Variants in SUPT5H observed in about 807,000 individuals in gnomAD.
SUPT5H encodes SPT5 homolog, DSIF elongation factor subunit.
SUPT5H carries 24 observed loss-of-function variants against 142.5 expected under a neutral mutation model. The ratio of observed to expected loss-of-function variants is 0.17; its 90% CI spans 0.12 to 0.24. The LOEUF (loss-of-function observed/expected upper bound fraction) is 0.24. Ranked by LOEUF, SUPT5H falls within the 10% of genes least tolerant of loss-of-function variation. The probability of loss-of-function intolerance (pLI) is 1.00; values close to 1 mark genes in which losing one functional copy is unlikely to be tolerated. For missense variants in SUPT5H, 893 were observed against 1,471.8 expected, an observed-to-expected ratio of 0.61 and a Z score of 6.43; for synonymous variants, 546 against 553.0, an observed-to-expected ratio of 0.99 and a Z score of 0.18.
chr19:39,472,842 G>A lies in SUPT5H; in HGVS notation c.2068G>A (p.Gly690Ser), dbSNP rs777870413. ...QRGGFGSPGG[G>S]SGGMSRGRGR... ...TGGCGGCTTTGGTAGCCCAGGTGGC[G>A]GCAGTGGTGGCATGAGCAGGGGCCG... is the stretch of plus-strand genomic sequence containing the variant. Residue 690 changes from glycine (G) to serine (S), a missense_variant, in exon 22 of 30, where the codon GGC becomes AGC. By Grantham distance (56) the Gly-to-Ser change is moderately conservative. Coordinates refer to ENST00000432763, the MANE Select transcript of SUPT5H (RefSeq NM_001111020.3). The surrounding 1 kb of genome is among the most constrained non-coding windows in gnomAD (Gnocchi z 4.2). 3.1e-6 allele frequency: 5 copies of A among 1,613,626 alleles called. No individual in the cohort carries two copies. The highest frequency in any genetic ancestry group is 1.1e-5 in the South Asian group (1 of 91,060).
rs1476170592 is a variant in SUPT5H at position 39,473,057 on chromosome 19, T to A, written c.2201T>A (p.Val734Glu). The A allele has an allele frequency of 6.2e-7, 1 of 1,613,744 alleles. No individual in the cohort carries two copies. The highest frequency in any genetic ancestry group is 1.7e-5 in the Admixed American group (1 of 59,994). The change falls in exon 23 of 30, where the codon GTG (valine) becomes GAG (glutamate). Residue 734 changes from valine to glutamate, a missense_variant. Coordinates refer to ENST00000432763, the MANE Select transcript of SUPT5H (RefSeq NM_001111020.3). This position sits in a 1 kb window ranked among gnomAD's most constrained non-coding sequence, Gnocchi z 5.8. Reference sequence around the variant, plus strand: ...GATGCCACAGAGTCCACGGCCCGTGTGGAGCTGCACTCCACCTGCCAGACC... The same window carrying A: ...GATGCCACAGAGTCCACGGCCCGTGAGGAGCTGCACTCCACCTGCCAGACC... ...VKDATESTARVELHSTCQTIS... is the reference protein window; with the variant it reads ...VKDATESTAREELHSTCQTIS...
intron 4 of SUPT5H, chr19:39,457,975 A>T (rs1248236544): frequency 3.6e-6 from 3 of 831,510 alleles, no homozygotes; most frequent in Non-Finnish European, 5.9e-6. Flanking sequence ...CTGGGATCCC[A>T]GGGCCCAGTG....
chr19:39,459,673 G>T (rs2079136219), intron 9 of SUPT5H, 84 bp downstream of exon 9: 1 of 1,560,020 alleles, frequency 6.4e-7, no homozygotes. Flanking sequence ...GTCTGTCCCG[G>T]GTCTCCGTGG....
At position 39,453,239 on chromosome 19, in the gene SUPT5H, C is replaced by T. The variant is rs530399687; in HGVS notation, c.76-117C>T. On this transcript the variant is annotated intron_variant, in intron 2 of 29. Transcript: ENST00000432763. The stretch of plus-strand genomic sequence containing the variant: ...TAGAGTGAAAGGGATATATGCAGAG[C>T]AAAGTGGGCTATGATTGGCCAGGCC... 71 of 1,255,842 alleles carry T rather than the reference C, an allele frequency of 5.7e-5. No homozygotes were observed. The African/African-American group carries it at 1.0e-3, about 18-fold the overall frequency. The allele number at this position is 1,255,842 out of a possible 1,614,324, so 77.8% of individuals were successfully genotyped here.
chr19:39,476,425 C>T lies in SUPT5H; in HGVS notation c.*26C>T, dbSNP rs199949033. On this transcript the variant is annotated 3_prime_UTR_variant, in exon 30 of 30. Transcript: ENST00000432763. Reference sequence around the variant, plus strand: ...AGCAGGCAGGGCCGGTGGACTTCGTCGGATGAAGAGTGATCCTCCTTCCTT... The same window carrying T: ...AGCAGGCAGGGCCGGTGGACTTCGTTGGATGAAGAGTGATCCTCCTTCCTT... The T allele has an allele frequency of 3.7e-5, 59 of 1,612,962 alleles. 1 individual carries two copies. The highest frequency in any genetic ancestry group is 1.8e-4 in the East Asian group (8 of 44,882).
intron 11 of SUPT5H, 68 bp downstream of exon 11, chr19:39,465,117 C>A (rs2079217945): frequency 1.1e-5 from 17 of 1,545,412 alleles, no homozygotes; most frequent in Non-Finnish European, 1.5e-5. Flanking sequence ...TTCCTTTTGT[C>A]CTTCCCACCC....
rs1370006158 is a variant in SUPT5H at position 39,476,442 on chromosome 19, T to TC, written c.*45dup. On this transcript the variant is annotated 3_prime_UTR_variant, in exon 30 of 30. Transcript: ENST00000432763. ...GACTTCGTCGGATGAAGAGTGATCC[T>TC]CCTTCCTTCCCTGGCCCTTGGCTGT... is the stretch of plus-strand genomic sequence containing the variant. 2 of 1,610,154 alleles carry TC rather than the reference T, an allele frequency of 1.2e-6. No individual in the cohort carries two copies. Among genetic ancestry groups the TC allele is most frequent in the South Asian group, 2.2e-5 (2 of 91,002 alleles).
At position 39,458,677 on chromosome 19, in the gene SUPT5H, A is replaced by C; in HGVS notation, c.320-141A>C. ...GCTGAGTAGGACAGAGTAGGGGATG[A>C]GGGGTTGGGATTTCCTCTGTGAGAT... On this transcript the variant is annotated intron_variant, in intron 5 of 29. Coordinates refer to ENST00000432763, the MANE Select transcript of SUPT5H (RefSeq NM_001111020.3). The surrounding 1 kb of genome is among the most constrained non-coding windows in gnomAD (Gnocchi z 4.2). 1 of 802,972 alleles carries C rather than the reference A, an allele frequency of 1.2e-6. No homozygotes were observed. Among genetic ancestry groups the C allele is most frequent in the Non-Finnish European group, 2.0e-6 (1 of 508,194 alleles). The allele number at this position is 802,972 out of a possible 1,614,324, so 49.7% of individuals were successfully genotyped here. A position where few individuals can be genotyped will look rare whatever the true frequency, so the allele number is the denominator to read the frequency against.
chr19:39,460,059 C>A, intron 10 of SUPT5H, 99 bp downstream of exon 10: 1 of 1,253,540 alleles, frequency 8.0e-7, no homozygotes, highest in Non-Finnish European at 1.2e-6. Context: ...CTGTTGTGAG[C>A]AGAGCTGCCT....
At chr19:39,459,791 C>G (rs780890889) in intron 9 of SUPT5H, 101 bp from the exon 10 acceptor site, 2 of 1,392,640 alleles carry the variant, frequency 1.4e-6, no homozygotes, top group Non-Finnish European at 2.0e-6. Context: ...TCTCTCCTCT[C>G]TTGGTCCTAC....
intron 3 of SUPT5H, among the ~76,000 whole-genome samples, chr19:39,454,093 G>A (rs2079055155): frequency 6.6e-6 from 1 of 152,192 alleles, no homozygotes; most frequent in Non-Finnish European, 1.5e-5. Flanking sequence ...TTTTCAAGTA[G>A]CAGTGAGTGT....
At chr19:39,459,343 GC>G in intron 8 of SUPT5H, 94 bp downstream of exon 8, 1 of 1,472,488 alleles carries the variant, frequency 6.8e-7, no homozygotes, top group Non-Finnish European at 9.3e-7. Flanking sequence ...ATAAGTCAGG[GC>G]AGAGTCACAC....
Position 39,458,561 on chromosome 19 carries a change from C to A in SUPT5H, c.319+256C>A. On this transcript the variant is annotated intron_variant, in intron 5 of 29. Transcript: ENST00000432763. The surrounding 1 kb of genome is among the most constrained non-coding windows in gnomAD (Gnocchi z 4.2). ...AGCGATGTGTGGGGTGGGGTGCAGT[C>A]CAGGGTGTGCCTGGACTTTGAGATG... 1.3e-6 allele frequency: 1 copy of A among 748,512 alleles called. No homozygotes were observed. The allele number at this position is 748,512 out of a possible 1,614,324, so 46.4% of individuals were successfully genotyped here.
Position 39,469,172 on chromosome 19 carries a change from G to T in SUPT5H, c.1237G>T (p.Gly413Trp). 1 of 1,614,244 alleles carries T rather than the reference G, an allele frequency of 6.2e-7. No homozygotes were observed. Among genetic ancestry groups the T allele is most frequent in the South Asian group, 1.1e-5 (1 of 91,090 alleles). Residue 413 changes from glycine (G) to tryptophan (W), a missense_variant and splice_region_variant, in exon 15 of 30, where the codon GGG (glycine) becomes TGG (tryptophan). Physicochemically the swap from Gly to Trp is radical, Grantham distance 184. Coordinates refer to ENST00000432763, the MANE Select transcript of SUPT5H (RefSeq NM_001111020.3). The surrounding 1 kb of genome is among the most constrained non-coding windows in gnomAD (Gnocchi z 5.1). Reference protein sequence around the residue: ...IDLEVVTESTGKEREHNFQPG... With the variant: ...IDLEVVTESTWKEREHNFQPG... ...CCTGGAGGTGGTGACTGAGAGCACA[G>T]GTATTTGATCCCCCTCTATAACCTG...
intron 3 of SUPT5H, among the ~76,000 whole-genome samples, chr19:39,455,484 C>T (rs1215934680): frequency 1.3e-5 from 2 of 151,720 alleles, no homozygotes; most frequent in East Asian, 3.9e-4. Flanking sequence ...ATTGCTTGAA[C>T]CCGGGAGGTG....
At position 39,472,758 on chromosome 19, in the gene SUPT5H, C is replaced by T; in HGVS notation, c.2036-52C>T. Reference sequence around the variant, plus strand: ...GTGAAGGGGACGTTCTGATGGTGCCCTTGCTGTGGGCACAGCCGTGGGGGA... The same window carrying T: ...GTGAAGGGGACGTTCTGATGGTGCCTTTGCTGTGGGCACAGCCGTGGGGGA... On this transcript the variant is annotated intron_variant, in intron 21 of 29. Transcript: ENST00000432763. The surrounding 1 kb of genome is among the most constrained non-coding windows in gnomAD (Gnocchi z 4.2). 1.3e-6 allele frequency: 2 copies of T among 1,576,510 alleles called. No homozygotes were observed. The highest frequency in any genetic ancestry group is 1.7e-6 in the Non-Finnish European group (2 of 1,159,576).
At chr19:39,451,308 C>T (rs1459033350) in intron 2 of SUPT5H, among the ~76,000 whole-genome samples, 1 of 150,732 alleles carries the variant, frequency 6.6e-6, no homozygotes, top group Non-Finnish European at 1.5e-5. Flanking sequence ...CCTGCCTCAG[C>T]CTCCCAAGTA....
intron 3 of SUPT5H, among the ~76,000 whole-genome samples, chr19:39,453,860 TCTTAA>T (rs1405033812): frequency 6.6e-6 from 1 of 152,136 alleles, no homozygotes; most frequent in Non-Finnish European, 1.5e-5. Flanking sequence ...GGACCAAAGT[TCTTAA>T]CTTTTCTCGT....
rs1183569282 is a variant in SUPT5H, at chr19:39,458,339, C to T, written c.319+34C>T. The T allele has an allele frequency of 1.9e-6, 3 of 1,575,488 alleles. No homozygotes were observed. Among genetic ancestry groups the T allele is most frequent in the African/African-American group, 1.4e-5 (1 of 73,326 alleles). On this transcript the variant is annotated intron_variant, in intron 5 of 29. Coordinates refer to ENST00000432763, the MANE Select transcript of SUPT5H (RefSeq NM_001111020.3). This position sits in a 1 kb window ranked among gnomAD's most constrained non-coding sequence, Gnocchi z 4.2. Reference sequence around the variant, plus strand: ...ATGAAAAGTGTGATTCCCTGACCTTCCTCCCATATCCTGACATTTCCTCCT... The same window carrying T: ...ATGAAAAGTGTGATTCCCTGACCTTTCTCCCATATCCTGACATTTCCTCCT...
Sources: allele counts gnomAD v4.1 joint callset (sites outside exome capture counted in the v4.1 genomes callset), GRCh38; gene constraint gnomAD v4.1.1; non-coding constraint Gnocchi (gnomAD v3.1); transcripts MANE v1.5; gene names NCBI Gene and HGNC (gene_info 2026-07-23, HGNC 2026-07-21).